Variants in DNA2 observed in about 807,000 individuals in gnomAD.
DNA2 encodes DNA replication helicase/nuclease 2, also known as DNA replication ATP-dependent helicase/nuclease DNA2.
Under a neutral mutation model 119.1 loss-of-function variants are expected in DNA2, and 101 were observed. The observed-to-expected ratio is 0.85, with a 90% CI of 0.72 to 1.00. The LOEUF is 1.00. DNA2 is among the 50% of genes least tolerant of loss of function. The pLI is 0.00. For missense variants in DNA2, 1,121 were observed against 1,255.5 expected (o/e 0.89, Z 1.62); for synonymous variants, 366 against 424.4 (o/e 0.86, Z 1.69).
chr10:68,421,948 G>A (rs1471759775), intron 17 of DNA2, among the ~76,000 whole-genome samples: 1 of 151,816 alleles, frequency 6.6e-6, no homozygotes, highest in Non-Finnish European at 1.5e-5. Flanking sequence ...CTGAGTAGCT[G>A]GGATTACAGG....
intron 20 of DNA2, among the ~76,000 whole-genome samples, chr10:68,416,014 A>G (rs1490561509): frequency 6.6e-6 from 1 of 152,168 alleles, no homozygotes; most frequent in African/African-American, 2.4e-5. Flanking sequence ...CCTCTCTATT[A>G]AAAATTTTAA....
chr10:68,421,201 A>G (rs12146314), intron 17 of DNA2, among the ~76,000 whole-genome samples: 37,407 of 151,744 alleles, frequency 0.25, 6,147 homozygotes, highest in African/African-American at 0.46. Context: ...CTCCCAAAGT[A>G]CTGGGATTAC....
rs781128357 is a variant in DNA2, at chr10:68,468,179, T to C, written c.385A>G (p.Ser129Gly). The change falls in exon 3 of 21, where the codon AGC (serine) becomes GGC (glycine). Residue 129 changes from serine (S) to glycine (G), a missense_variant. Ser to Gly is a moderately conservative substitution (Grantham distance 56). Transcript: ENST00000358410. ...ATACATCGAATACTACTGGCTATGC[T>C]GGTGCCAGAAATCAGCATGTCTGGA... The part of the protein sequence containing the change: ...LYPDMLISGT[S>G]IASSIRCMRR... The C allele has an allele frequency of 6.8e-6, 11 of 1,611,410 alleles. No homozygotes were observed. The highest frequency in any genetic ancestry group is 1.6e-4 in the Middle Eastern group (1 of 6,076).
At chr10:68,471,027 C>T (rs1186030261) in intron 1 of DNA2, among the ~76,000 whole-genome samples, 1 of 152,156 alleles carries the variant, frequency 6.6e-6, no homozygotes, top group Non-Finnish European at 1.5e-5. Context: ...AAATAATAAT[C>T]TCTCAAGAAA....
chr10:68,449,988 A>T, intron 6 of DNA2, 40 bp downstream of exon 6: 1 of 1,409,708 alleles, frequency 7.1e-7, no homozygotes. Context: ...AAAAAAAAAA[A>T]AAAGTATAAA....
chr10:68,417,336 G>A (rs1027598229), intron 19 of DNA2, among the ~76,000 whole-genome samples: 5 of 143,008 alleles, frequency 3.5e-5, no homozygotes, highest in African/African-American at 1.3e-4. Context: ...AAAACCATAT[G>A]GATGTATTAT....
intron 9 of DNA2, among the ~76,000 whole-genome samples, chr10:68,442,447 C>G (rs1480140777): frequency 1.3e-5 from 2 of 151,046 alleles, no homozygotes; most frequent in East Asian, 3.9e-4. Context: ...AGTGCAATGG[C>G]AGGATCTTGG....
intron 14 of DNA2, chr10:68,424,695 T>G: frequency 6.2e-7 from 1 of 1,606,092 alleles, no homozygotes; most frequent in Non-Finnish European, 8.5e-7. Flanking sequence ...CAATGTCCGC[T>G]CCACACCCAT....
rs187095630 is a variant in DNA2 at position 68,416,629 on chromosome 10, G to A, written c.3114+80C>T. 5 of 1,413,756 alleles carry A rather than the reference G, an allele frequency of 3.5e-6. No individual in the cohort carries two copies. The East Asian group carries it at 1.1e-4, about 32-fold the overall frequency. The allele number at this position is 1,413,756 out of a possible 1,614,324, so 87.6% of individuals were successfully genotyped here. A position where few individuals can be genotyped will look rare whatever the true frequency, so the allele number is the denominator to read the frequency against. ...TCAAGACCAGCTTAAGCAACATAGTGAGAGCTTTAATTTAAACAAGCAAAT... is the reference window on the plus strand; with the variant it reads ...TCAAGACCAGCTTAAGCAACATAGTAAGAGCTTTAATTTAAACAAGCAAAT... On this transcript the variant is annotated intron_variant, in intron 20 of 20. Coordinates refer to ENST00000358410, the MANE Select transcript of DNA2 (RefSeq NM_001080449.3).
At position 68,430,513 on chromosome 10, in the gene DNA2, G is replaced by T; in HGVS notation, c.2131C>A (p.Gln711Lys). ...CTGCAAATTTCTTGCTCTGTAAATT[G>T]CTGGATAGCTGGATGAACCTTCTGA... ...QIQKVHPAIQQFTEQEICRSK... is the reference protein window; with the variant it reads ...QIQKVHPAIQKFTEQEICRSK... The change falls in exon 14 of 21, where the codon CAA (glutamine) becomes AAA (lysine). Residue 711 changes from glutamine to lysine, a missense_variant. Gln to Lys is a moderately conservative substitution (Grantham distance 53). Transcript: ENST00000358410. The T allele has an allele frequency of 6.2e-7, 1 of 1,611,854 alleles. No homozygotes were observed. Among genetic ancestry groups the T allele is most frequent in the South Asian group, 1.1e-5 (1 of 90,526 alleles).
chr10:68,445,515 G>A lies in DNA2; in HGVS notation c.1058-432C>T, dbSNP rs538525286. Among the ~76,000 whole-genome samples the A allele has an allele frequency of 3.3e-5, 5 of 151,842 alleles. No individual in the cohort carries two copies. In the South Asian group the frequency reaches 6.2e-4, roughly 19 times the overall value. ...AATAAAAATAAAAACATTTTAAAAC[G>A]GAGAAAACAGTATTCATATTTCCCA... On this transcript the variant is annotated intron_variant, in intron 7 of 20. Coordinates refer to ENST00000358410, the MANE Select transcript of DNA2 (RefSeq NM_001080449.3).
intron 3 of DNA2, among the ~76,000 whole-genome samples, chr10:68,466,874 C>T (rs890865408): frequency 6.6e-6 from 1 of 151,984 alleles, no homozygotes; most frequent in African/African-American, 2.4e-5. Flanking sequence ...CCACTGCGCC[C>T]GGTCCAAAAA....
intron 10 of DNA2, among the ~76,000 whole-genome samples, chr10:68,434,644 T>C (rs2051864504): frequency 7.1e-6 from 1 of 141,842 alleles, no homozygotes; most frequent in Admixed American, 6.7e-5. Context: ...AGTGAGACCA[T>C]GTGTCAAAAA....
intron 9 of DNA2, among the ~76,000 whole-genome samples, chr10:68,438,702 A>G (rs2051925023): frequency 6.6e-6 from 1 of 152,092 alleles, no homozygotes; most frequent in African/African-American, 2.4e-5. Flanking sequence ...AATGTTAGGG[A>G]AGAAAATGAT....
At chr10:68,458,291 G>A (rs936178309) in intron 5 of DNA2, among the ~76,000 whole-genome samples, 1 of 152,084 alleles carries the variant, frequency 6.6e-6, no homozygotes, top group Non-Finnish European at 1.5e-5. Context: ...CAGTACTTTG[G>A]TAGGCCAAGG....
In DNA2 at chr10:68,437,272, T is replaced by C. The variant is rs771068998; in HGVS notation, c.1416-31A>G. On this transcript the variant is annotated intron_variant, in intron 9 of 20. Transcript: ENST00000358410. ...AAAAGACCAAAGAGAAAAAAACTTC[T>C]GTTTATATTACATACGTAAGTATTG... The C allele has an allele frequency of 2.0e-5, 30 of 1,532,986 alleles. No individual in the cohort carries two copies. In the East Asian group the frequency reaches 6.6e-4, roughly 34 times the overall value. 95.0% of individuals were successfully genotyped at this position (1,532,986 alleles called of 1,614,324 possible).
Position 68,432,284 on chromosome 10 carries a change from G to C in DNA2, c.1795C>G (p.Arg599Gly), listed in dbSNP as rs201377109. The C allele has an allele frequency of 6.2e-7, 1 of 1,608,666 alleles. No individual in the cohort carries two copies. Among genetic ancestry groups the C allele is most frequent in the Non-Finnish European group, 8.5e-7 (1 of 1,178,142 alleles). Residue 599 changes from arginine (R) to glycine (G), a missense_variant, in exon 12 of 21, where the codon CGT becomes GGT. By Grantham distance (125) the Arg-to-Gly change is moderately radical (BLOSUM62 -2). Transcript: ENST00000358410. ...KKLRDLIIDF[R>G]EPQFISYLSS... is the part of the protein sequence containing the mutation. ...AGGTAGGATATAAACTGAGGTTCACGAAAGTCAATAATTAAATCTCGAAGT... is the reference window on the plus strand; with the variant it reads ...AGGTAGGATATAAACTGAGGTTCACCAAAGTCAATAATTAAATCTCGAAGT...
intron 19 of DNA2, among the ~76,000 whole-genome samples, chr10:68,418,282 G>A (rs1359848183): frequency 2.0e-5 from 3 of 151,774 alleles, no homozygotes; most frequent in Non-Finnish European, 4.4e-5. Context: ...GCAAGATGGC[G>A]ATGCCTGTAA....
At chr10:68,433,712 G>A (rs1468315666) in intron 10 of DNA2, among the ~76,000 whole-genome samples, 2 of 152,018 alleles carry the variant, frequency 1.3e-5, no homozygotes, top group African/African-American at 4.8e-5. Context: ...TAATTTTTTG[G>A]AGAGATGGGG....
Sources: allele counts gnomAD v4.1 joint callset (sites outside exome capture counted in the v4.1 genomes callset), GRCh38; gene constraint gnomAD v4.1.1; transcripts MANE v1.5; gene names NCBI Gene and HGNC (gene_info 2026-07-23, HGNC 2026-07-21).